Variants in SMARCA5 observed in about 807,000 individuals in gnomAD.
The protein encoded by SMARCA5 is SWI/SNF-related matrix-associated actin-dependent regulator of chromatin subfamily A member 5.
Under a neutral mutation model 140.4 loss-of-function variants are expected in SMARCA5, and 18 were observed. The observed-to-expected ratio is 0.13, with a 90% confidence interval of 0.09 to 0.19. The LOEUF (loss-of-function observed/expected upper bound fraction) is 0.19, where lower values mean the gene tolerates loss of function less well. Ranked by LOEUF, SMARCA5 falls within the 10% of genes least tolerant of loss-of-function variation. The probability of loss-of-function intolerance (pLI) is 1.00; values close to 1 mark genes in which losing one functional copy is unlikely to be tolerated. For synonymous variants in SMARCA5, 449 were observed against 419.6 expected, an observed-to-expected ratio of 1.07 and a Z score of -0.86; for missense variants, 606 against 1,276.8, an observed-to-expected ratio of 0.47 and a Z score of 8.01.
At chr4:143,520,654 G>C (rs1736938376) in intron 2 of SMARCA5, among the ~76,000 whole-genome samples, 1 of 152,168 alleles carries the variant, frequency 6.6e-6, no homozygotes, top group African/African-American at 2.4e-5. Flanking sequence ...GAGATGTTGA[G>C]TAGTTGGTTT....
At position 143,513,985 on chromosome 4, in the gene SMARCA5, G is replaced by C. The variant is rs865837289; in HGVS notation, c.61G>C (p.Ala21Pro). The change falls in exon 1 of 24, where the codon GCA becomes CCA. Residue 21 changes from alanine (A) to proline (P), a missense_variant. By Grantham distance (27) the Ala-to-Pro change is conservative. Transcript: ENST00000283131. ...TCCCGAGAGCGCGCCTTCCAAGCCC[G>C]CAGCCTCGATCGCCAGCGGCGGGAG... ...PPPESAPSKPAASIASGGSNS... is the reference protein window; with the variant it reads ...PPPESAPSKPPASIASGGSNS... 1 of 1,562,208 alleles carries C rather than the reference G, an allele frequency of 6.4e-7. No individual in the cohort carries two copies. The highest frequency in any genetic ancestry group is 1.2e-5 in the South Asian group (1 of 86,630).
intron 14 of SMARCA5, among the ~76,000 whole-genome samples, chr4:143,542,825 C>G (rs1194667462): frequency 6.6e-6 from 1 of 152,018 alleles, no homozygotes; most frequent in Non-Finnish European, 1.5e-5. Flanking sequence ...GATCCAGATA[C>G]ATTTTCTCAC....
chr4:143,518,727 T>C (rs1384246851), intron 2 of SMARCA5, among the ~76,000 whole-genome samples: 2 of 152,160 alleles, frequency 1.3e-5, no homozygotes, highest in East Asian at 3.8e-4. Flanking sequence ...ATATTTTACA[T>C]ATGTATATAT....
At chr4:143,548,435 T>C (rs1411383699) in intron 22 of SMARCA5, among the ~76,000 whole-genome samples, 1 of 152,060 alleles carries the variant, frequency 6.6e-6, no homozygotes. Flanking sequence ...AATGAACATA[T>C]TTCTATAAAG....
At chr4:143,530,553 C>A (rs1330243258) in intron 9 of SMARCA5, 27 bp downstream of exon 9, 16 of 1,460,432 alleles carry the variant, frequency 1.1e-5, no homozygotes, top group Non-Finnish European at 1.5e-5. Context: ...AGTGTTAAAG[C>A]ATATTTATGA....
intron 15 of SMARCA5, 45 bp downstream of exon 15, chr4:143,543,702 A>T (rs1403345121): frequency 6.5e-7 from 1 of 1,548,518 alleles, no homozygotes; most frequent in East Asian, 2.3e-5. Context: ...AATGTTTTAG[A>T]CCAGAAACAG....
chr4:143,550,674 G>A (rs1303781379), intron 23 of SMARCA5, among the ~76,000 whole-genome samples: 1 of 151,894 alleles, frequency 6.6e-6, no homozygotes, highest in Non-Finnish European at 1.5e-5. Flanking sequence ...ACAAATAAGT[G>A]AGAACATGCC....
chr4:143,556,473 T>TAGAA lies in SMARCA5; in HGVS notation c.*3290_*3293dup, dbSNP rs1172465412. 6.6e-6 allele frequency: 1 copy of TAGAA among 152,118 alleles called. No homozygotes were observed. Among genetic ancestry groups the TAGAA allele is most frequent in the African/African-American group, 2.4e-5 (1 of 41,428 alleles). The allele number at this position is 152,118 out of a possible 1,614,324, so 9.4% of individuals were successfully genotyped here. On this transcript the variant is annotated 3_prime_UTR_variant, in exon 24 of 24. Transcript: ENST00000283131. ...ATATTTCAAACCAGTAGTTTTGGAGTAGAACATTGCTAAAAAAATGGGTAC... is the reference window on the plus strand; with the variant it reads ...ATATTTCAAACCAGTAGTTTTGGAGTAGAAAGAACATTGCTAAAAAAATGGGTAC...
At chr4:143,519,958 C>T (rs1371161788) in intron 2 of SMARCA5, among the ~76,000 whole-genome samples, 1 of 152,060 alleles carries the variant, frequency 6.6e-6, no homozygotes, top group Admixed American at 6.6e-5. Flanking sequence ...TATGTATAGC[C>T]TCTATTATCC....
chr4:143,526,132 C>T (rs1004685128), intron 5 of SMARCA5, 149 bp from the exon 6 acceptor site: 9 of 658,200 alleles, frequency 1.4e-5, no homozygotes, highest in Non-Finnish European at 2.3e-5. Flanking sequence ...ATAACACTTA[C>T]AAACTTTGAT....
At chr4:143,518,473 C>T (rs1015843380) in intron 2 of SMARCA5, among the ~76,000 whole-genome samples, 2 of 152,114 alleles carry the variant, frequency 1.3e-5, no homozygotes, top group Non-Finnish European at 2.9e-5. Context: ...GTGTCTTAAT[C>T]TTTCTTTCTG....
chr4:143,545,891 T>C, intron 18 of SMARCA5, 34 bp from the exon 19 acceptor site: 3 of 1,581,504 alleles, frequency 1.9e-6, no homozygotes, highest in Non-Finnish European at 2.6e-6. Flanking sequence ...CTTTAAAATT[T>C]ACTGATTTGA....
At chr4:143,539,336 AT>A (rs1489501560) in intron 13 of SMARCA5, among the ~76,000 whole-genome samples, 4 of 152,216 alleles carry the variant, frequency 2.6e-5, no homozygotes, top group African/African-American at 9.6e-5. Flanking sequence ...GTATAGTTAT[AT>A]CACAGGACCA....
chr4:143,516,289 T>C (rs1192006090), intron 1 of SMARCA5, among the ~76,000 whole-genome samples: 1 of 151,964 alleles, frequency 6.6e-6, no homozygotes, highest in Non-Finnish European at 1.5e-5. Context: ...TTTTTCTTTT[T>C]GCTTGATACT....
intron 16 of SMARCA5, 54 bp downstream of exon 16, chr4:143,544,026 G>T: frequency 7.4e-7 from 1 of 1,348,478 alleles, no homozygotes; most frequent in Non-Finnish European, 9.9e-7. Context: ...CTGGAAACTT[G>T]GAATTTTAAG....
At chr4:143,526,703 C>G (rs1373425066) in intron 6 of SMARCA5, among the ~76,000 whole-genome samples, 4 of 151,962 alleles carry the variant, frequency 2.6e-5, no homozygotes, top group African/African-American at 9.7e-5. Flanking sequence ...CTACTAAAAA[C>G]TCAAAAAATT....
chr4:143,518,673 CTA>C (rs1356589856), intron 2 of SMARCA5, among the ~76,000 whole-genome samples: 3 of 151,926 alleles, frequency 2.0e-5, no homozygotes, highest in South Asian at 2.1e-4. Context: ...ACATATAACA[CTA>C]TGTAAATTAT....
intron 13 of SMARCA5, 94 bp from the exon 14 acceptor site, chr4:143,540,269 C>A: frequency 1.0e-6 from 1 of 953,150 alleles, no homozygotes; most frequent in South Asian, 2.2e-5. Context: ...TTTTATATTT[C>A]AGAATATTTT....
chr4:143,524,205 G>A (rs1163720705), intron 3 of SMARCA5, among the ~76,000 whole-genome samples, 162 bp from the exon 4 acceptor site: 1 of 151,998 alleles, frequency 6.6e-6, no homozygotes, highest in African/African-American at 2.4e-5. Flanking sequence ...TTAAAACATT[G>A]CAGATTTAAA....
Sources: gnomAD v4.1 joint callset for allele counts (sites outside exome capture counted in the v4.1 genomes callset) on GRCh38, gnomAD v4.1.1 for gene constraint, MANE v1.5 for transcripts, NCBI Gene and HGNC (gene_info 2026-07-23, HGNC 2026-07-21) for gene names.